The following GNA13 variants were observed in gnomAD, a reference collection of about 807,000 sequenced individuals.
GNA13 encodes G protein subunit alpha 13.
A neutral mutation model predicts 33.5 loss-of-function variants in GNA13; 4 were observed. That is an observed-to-expected ratio of 0.12 (90% CI 0.06 to 0.27). The LOEUF (loss-of-function observed/expected upper bound fraction) is 0.27. Among genes scored for constraint, GNA13 ranks in the 10% least tolerant of loss-of-function variants. GNA13 has a pLI of 1.00. For missense variants in GNA13, 319 were observed against 487.2 expected (o/e 0.65, Z 3.25); for synonymous variants, 176 against 183.8 (o/e 0.96, Z 0.34).
intron 2 of GNA13, among the ~76,000 whole-genome samples, chr17:65,023,577 A>T (rs1906666804): frequency 2.0e-5 from 3 of 152,248 alleles, no homozygotes; most frequent in Admixed American, 1.3e-4. Flanking sequence ...GCAAAACGGC[A>T]CTGTTGGTGA....
At chr17:65,030,021 T>C (rs571711478) in intron 2 of GNA13, among the ~76,000 whole-genome samples, 16 of 152,256 alleles carry the variant, frequency 1.1e-4, no homozygotes, top group Non-Finnish European at 1.6e-4. Context: ...CTGAATGCTT[T>C]GAAGAGCACT....
At chr17:65,015,686 AG>A (rs1906344070) in intron 3 of GNA13, among the ~76,000 whole-genome samples, 41 of 149,116 alleles carry the variant, frequency 2.7e-4, no homozygotes, top group African/African-American at 9.7e-4. Context: ...AAAAAAAAAA[AG>A]GCAATGGGAT....
intron 1 of GNA13, chr17:65,055,854 C>T (rs1369397218): frequency 1.1e-5 from 7 of 643,900 alleles, no homozygotes; most frequent in Non-Finnish European, 1.2e-5. Context: ...CCATGTGACT[C>T]GGGTCACCCA....
At chr17:65,050,171 G>C (rs769220782) in intron 2 of GNA13, among the ~76,000 whole-genome samples, 13 of 152,166 alleles carry the variant, frequency 8.5e-5, no homozygotes, top group Non-Finnish European at 1.9e-4. Context: ...CTGCCTTGGA[G>C]TCCAAGCAAG....
intron 2 of GNA13, 66 bp from the exon 3 acceptor site, chr17:65,018,369 T>TAC (rs1376336455): frequency 6.0e-6 from 5 of 839,878 alleles, no homozygotes; most frequent in Non-Finnish European, 1.1e-5. Context: ...TACAACAGTT[T>TAC]ACATCATACT....
At chr17:65,055,803 G>C (rs1001680805) in intron 1 of GNA13, 1 of 980,798 alleles carries the variant, frequency 1.0e-6, no homozygotes, top group African/African-American at 1.7e-5. Flanking sequence ...GCTTGCTTAG[G>C]AGACGGCCAA....
intron 2 of GNA13, among the ~76,000 whole-genome samples, chr17:65,037,197 A>G (rs1907279022): frequency 6.6e-6 from 1 of 152,230 alleles, no homozygotes; most frequent in African/African-American, 2.4e-5. Context: ...TACTTCTGAG[A>G]CTGAAATTCA....
chr17:65,037,777 GGAAAAAAAAA>G (rs1220537000), intron 2 of GNA13, among the ~76,000 whole-genome samples: 10 of 82,042 alleles, frequency 1.2e-4, no homozygotes, highest in East Asian at 1.2e-3. Context: ...CTACAAAAAT[GGAAAAAAAAA>G]AAAAAAAAAA....
Position 65,013,636 on chromosome 17 carries a change from T to C in GNA13, c.*621A>G, listed in dbSNP as rs949111202. On this transcript the variant is annotated 3_prime_UTR_variant, in exon 4 of 4. Transcript: ENST00000439174. The stretch of plus-strand genomic sequence containing the variant: ...ATCAGCATCAGACCAAAGATCCTTA[T>C]GTAAACTTGAAAACAGGAAGAACAT... 1.8e-5 allele frequency: 4 copies of C among 217,300 alleles called. No individual in the cohort carries two copies. Among genetic ancestry groups the C allele is most frequent in the Non-Finnish European group, 2.8e-5 (3 of 107,868 alleles). 13.5% of individuals were successfully genotyped at this position (217,300 alleles called of 1,614,324 possible).
intron 1 of GNA13, chr17:65,055,896 C>G (rs1598505372): frequency 4.0e-6 from 1 of 252,222 alleles, no homozygotes; most frequent in Non-Finnish European, 6.3e-6. Flanking sequence ...CCACATCGCC[C>G]GAGCAGGGGA....
At chr17:65,040,053 G>T (rs1439117288) in intron 2 of GNA13, among the ~76,000 whole-genome samples, 1 of 151,786 alleles carries the variant, frequency 6.6e-6, no homozygotes, top group Non-Finnish European at 1.5e-5. Context: ...ACCAGAAAAA[G>T]TATTTCTATA....
At chr17:65,056,268 CCCCCCTGCCCTTAA>C in intron 1 of GNA13, 29 bp downstream of exon 1, 1 of 1,311,818 alleles carries the variant, frequency 7.6e-7, no homozygotes, top group Non-Finnish European at 1.1e-6. Context: ...GCCGCCCCAG[CCCCCCTGCCCTTAA>C]CCCCCGGCCC....
chr17:65,037,777 G>GTAAAAAAA (rs145051963), intron 2 of GNA13, among the ~76,000 whole-genome samples: 1 of 82,042 alleles, frequency 1.2e-5, no homozygotes, highest in Non-Finnish European at 2.1e-5. Context: ...CTACAAAAAT[G>GTAAAAAAA]GAAAAAAAAA....
Position 65,009,744 on chromosome 17 carries a change from A to C in GNA13, c.*4513T>G, listed in dbSNP as rs1337432885. On this transcript the variant is annotated 3_prime_UTR_variant, in exon 4 of 4. Coordinates refer to ENST00000439174, the MANE Select transcript of GNA13 (RefSeq NM_006572.6). ...CAAACGTTTTGCGATTCTGCCTTCA[A>C]GTAAGAGGTAAAAGGTAAATGGCAT... 6.6e-6 allele frequency among the ~76,000 whole-genome samples: 1 copy of C among 151,518 alleles called. No homozygotes were observed. Among genetic ancestry groups the C allele is most frequent in the African/African-American group, 2.5e-5 (1 of 40,766 alleles).
intron 2 of GNA13, among the ~76,000 whole-genome samples, chr17:65,043,396 CTT>C (rs755235540): frequency 2.0e-5 from 3 of 151,950 alleles, no homozygotes; most frequent in Non-Finnish European, 2.9e-5. Flanking sequence ...AAGCAGTCCT[CTT>C]GTTTCAGACC....
chr17:65,015,662 T>TAAAAA (rs59210481), intron 3 of GNA13, among the ~76,000 whole-genome samples: 4 of 74,696 alleles, frequency 5.4e-5, no homozygotes, highest in African/African-American at 1.7e-4. Flanking sequence ...GACTTTGTCT[T>TAAAAA]AAAAAAAAAA....
At chr17:65,023,057 C>G (rs1906641138) in intron 2 of GNA13, among the ~76,000 whole-genome samples, 1 of 152,222 alleles carries the variant, frequency 6.6e-6, no homozygotes, top group Non-Finnish European at 1.5e-5. Context: ...CCTGTATGAA[C>G]AGTCCATGTG....
Position 65,056,535 on chromosome 17 carries a change from A to C in GNA13, c.59T>G (p.Leu20Arg), listed in dbSNP as rs1397367984. The C allele has an allele frequency of 6.2e-7, 1 of 1,612,746 alleles. No individual in the cohort carries two copies. ...TTGCTGCTCGGCCTCGCCACTCGTCAGCAGGCAGCCGGGGAAGCACACGGA... is the reference window on the plus strand; with the variant it reads ...TTGCTGCTCGGCCTCGCCACTCGTCCGCAGGCAGCCGGGGAAGCACACGGA... ...VLSVCFPGCL[L>R]TSGEAEQQRK... Residue 20 changes from leucine (L) to arginine (R), a missense_variant, in exon 1 of 4, where the codon CTG becomes CGG. Physicochemically the swap from Leu to Arg is moderately radical, Grantham distance 102. This residue lies in a region of GNA13 where 47 missense variants were observed against 64.7 expected (regional missense o/e 0.73). Transcript: ENST00000439174.
chr17:65,019,030 C>T (rs919039665), intron 2 of GNA13, among the ~76,000 whole-genome samples: 20 of 152,152 alleles, frequency 1.3e-4, no homozygotes, highest in African/African-American at 4.3e-4. Flanking sequence ...GTCCTCACCC[C>T]CTGCGTTTCA....
Sources: gnomAD v4.1 joint callset for allele counts (sites outside exome capture counted in the v4.1 genomes callset) on GRCh38, gnomAD v4.1.1 for gene constraint, gnomAD v4.1.1 regional missense constraint, MANE v1.5 for transcripts, NCBI Gene and HGNC (gene_info 2026-07-23, HGNC 2026-07-21) for gene names.